Variants in SLC9D1 observed in about 807,000 individuals in gnomAD.
SLC9D1 encodes solute carrier family 9 member D1.
chr13:113,495,453 A>G, the SLC9D1 span: 4 of 656,418 alleles, frequency 6.1e-6, no homozygotes, highest in Admixed American at 2.7e-5. Context: ...ACTCTGATCA[A>G]TAGTAATGAA....
the SLC9D1 span, among the ~76,000 whole-genome samples, chr13:113,515,662 C>A: frequency 2.0e-5 from 3 of 151,944 alleles, no homozygotes; most frequent in East Asian, 1.9e-4. Flanking sequence ...GAGGCCGAGG[C>A]GGGCGGATCA....
the SLC9D1 span, chr13:113,498,597 C>A: frequency 8.4e-7 from 1 of 1,185,250 alleles, no homozygotes; most frequent in Non-Finnish European, 1.2e-6. Context: ...TGAAATTGTT[C>A]ACGTGTATGT....
At chr13:113,518,775 G>A in the SLC9D1 span, among the ~76,000 whole-genome samples, 1 of 152,176 alleles carries the variant, frequency 6.6e-6, no homozygotes, top group Admixed American at 6.5e-5. Context: ...CTCCTGAATC[G>A]TGTAACCCTA....
chr13:113,539,825 A>G, the SLC9D1 span, among the ~76,000 whole-genome samples: 1 of 152,042 alleles, frequency 6.6e-6, no homozygotes, highest in African/African-American at 2.4e-5. The surrounding 1 kb of genome is among the most constrained non-coding windows in gnomAD (Gnocchi z 4.8). Flanking sequence ...CCCAGGTAAT[A>G]AGCATAGGAC....
the SLC9D1 span, among the ~76,000 whole-genome samples, chr13:113,540,994 C>CGTAGGCTTT: frequency 6.6e-6 from 1 of 152,122 alleles, no homozygotes. Flanking sequence ...TGCTTGTTAT[C>CGTAGGCTTT]GTAGGCTTTG....
the SLC9D1 span, among the ~76,000 whole-genome samples, chr13:113,523,010 C>T: frequency 2.6e-5 from 4 of 152,128 alleles, no homozygotes; most frequent in African/African-American, 9.6e-5. Flanking sequence ...GATAATTCCC[C>T]GTTGGTTTAG....
chr13:113,524,533 G>A, the SLC9D1 span, among the ~76,000 whole-genome samples: 5 of 151,868 alleles, frequency 3.3e-5, no homozygotes, highest in East Asian at 1.9e-4. Flanking sequence ...ACAAGGTTTC[G>A]CCATGTTGGC....
the SLC9D1 span, chr13:113,498,725 C>T: frequency 8.5e-4 from 373 of 440,888 alleles, no homozygotes; most frequent in Non-Finnish European, 1.2e-3. Flanking sequence ...TTTTTAACAC[C>T]GACAGTCAGT....
the SLC9D1 span, among the ~76,000 whole-genome samples, chr13:113,545,410 G>A: frequency 6.6e-6 from 1 of 152,232 alleles, no homozygotes; most frequent in Non-Finnish European, 1.5e-5. Flanking sequence ...CCAAGTATAG[G>A]TTTGATGTTT....
chr13:113,510,445 A>T, the SLC9D1 span: 1 of 1,602,020 alleles, frequency 6.2e-7, no homozygotes. Context: ...GCATGTTCTG[A>T]GTGCGTGTCT....
the SLC9D1 span, among the ~76,000 whole-genome samples, chr13:113,509,449 C>CCTAT: frequency 2.4e-5 from 3 of 125,596 alleles, no homozygotes; most frequent in African/African-American, 3.6e-5. Context: ...CCTGGAGCTG[C>CCTAT]CTATGTTGGG....
At chr13:113,496,814 C>T in the SLC9D1 span, among the ~76,000 whole-genome samples, 4 of 152,126 alleles carry the variant, frequency 2.6e-5, no homozygotes, top group Non-Finnish European at 5.9e-5. Flanking sequence ...AACACTGATT[C>T]ATTTGTCTTG....
chr13:113,496,597 A>G, the SLC9D1 span, among the ~76,000 whole-genome samples: 2 of 152,220 alleles, frequency 1.3e-5, no homozygotes, highest in Admixed American at 6.5e-5. Context: ...TAAAGCCATC[A>G]TTTCTTGAGT....
the SLC9D1 span, among the ~76,000 whole-genome samples, chr13:113,546,977 A>C: frequency 6.6e-6 from 1 of 152,144 alleles, no homozygotes; most frequent in Non-Finnish European, 1.5e-5. This position sits in a 1 kb window ranked among gnomAD's most constrained non-coding sequence, Gnocchi z 7.1. Flanking sequence ...TCTGCACCTC[A>C]GCTGGAATAT....
At chr13:113,500,044 G>GTGTA in the SLC9D1 span, 2 of 1,593,392 alleles carry the variant, frequency 1.3e-6, no homozygotes, top group East Asian at 2.3e-5. Context: ...GAGAAGTGGA[G>GTGTA]GATGACTTGG....
chr13:113,512,737 G>A, the SLC9D1 span, among the ~76,000 whole-genome samples: 13 of 113,434 alleles, frequency 1.1e-4, no homozygotes, highest in South Asian at 6.4e-4. Flanking sequence ...CCGGAGTGTA[G>A]ACGGAGAGAG....
chr13:113,539,280 C>G, the SLC9D1 span: 35 of 1,422,686 alleles, frequency 2.5e-5, no homozygotes, highest in Non-Finnish European at 3.4e-5. This position sits in a 1 kb window ranked among gnomAD's most constrained non-coding sequence, Gnocchi z 4.8. Flanking sequence ...TCTGCTGGGT[C>G]TCGGGGTGGC....
At chr13:113,524,569 C>T in the SLC9D1 span, among the ~76,000 whole-genome samples, 3 of 152,178 alleles carry the variant, frequency 2.0e-5, no homozygotes, top group African/African-American at 7.2e-5. Context: ...CTCCTGGCCT[C>T]AAGTGATCTT....
the SLC9D1 span, among the ~76,000 whole-genome samples, chr13:113,522,391 A>G: frequency 1.3e-5 from 2 of 152,160 alleles, no homozygotes; most frequent in Non-Finnish European, 2.9e-5. Context: ...CCCAGCCTGG[A>G]GTGCAGTGGC....
Sources: allele counts gnomAD v4.1 joint callset (sites outside exome capture counted in the v4.1 genomes callset), GRCh38; gene constraint gnomAD v4.1.1; non-coding constraint Gnocchi (gnomAD v3.1); transcripts MANE v1.5; gene names NCBI Gene and HGNC (gene_info 2026-07-23, HGNC 2026-07-21).